Variants in ALS2CL observed in about 807,000 individuals in gnomAD.
ALS2CL encodes the protein ALS2 C-terminal like.
In ALS2CL, 112 loss-of-function variants were observed where a neutral mutation model predicts 127.9. That is an observed-to-expected ratio of 0.88 (90% CI 0.75 to 1.02). ALS2CL has a LOEUF of 1.02. ALS2CL is among the 50% of genes least tolerant of loss of function. The probability of loss-of-function intolerance (pLI) is 0.00; values close to 1 mark genes in which losing one functional copy is unlikely to be tolerated. For synonymous variants in ALS2CL, 519 were observed against 527.6 expected, an observed-to-expected ratio of 0.98 and a Z score of 0.22; for missense variants, 1,174 against 1,236.7, an observed-to-expected ratio of 0.95 and a Z score of 0.76.
Position 46,681,691 on chromosome 3 carries a change from G to A in ALS2CL, c.1176-93C>T. ...CACCCAGGAGTATCCCTGCCCCCAA[G>A]GAGCCTTCCAGACAACAGGGAGACT... On this transcript the variant is annotated intron_variant, in intron 11 of 25. Coordinates refer to ENST00000318962, the MANE Select transcript of ALS2CL (RefSeq NM_147129.5). The surrounding 1 kb of genome is among the most constrained non-coding windows in gnomAD (Gnocchi z 4.9). 7.6e-7 allele frequency: 1 copy of A among 1,309,866 alleles called. No individual in the cohort carries two copies. The highest frequency in any genetic ancestry group is 1.3e-5 in the South Asian group (1 of 78,782). 81.1% of individuals were successfully genotyped at this position (1,309,866 alleles called of 1,614,324 possible). A position where few individuals can be genotyped will look rare whatever the true frequency, so the allele number is the denominator to read the frequency against.
chr3:46,691,740 T>TA (rs796730687), intron 1 of ALS2CL, among the ~76,000 whole-genome samples: 1 of 150,948 alleles, frequency 6.6e-6, no homozygotes. Flanking sequence ...TTTTTTTTTT[T>TA]AGAGATGGGA....
chr3:46,678,380 TGA>T lies in ALS2CL; in HGVS notation c.1634_1635del (p.Val545AspfsTer90). 1 of 1,611,940 alleles carries T rather than the reference TGA, an allele frequency of 6.2e-7. No homozygotes were observed. The highest frequency in any genetic ancestry group is 8.5e-7 in the Non-Finnish European group (1 of 1,178,710). ...RDLTLMGKGK[V>X]TFPNGFTLEG... is the part of the protein sequence containing the mutation. ...TCCAGGGTGAAGCCATTGGGGAAGGTGACCTTGCCCTGGGAGCCAGGAGAAGG... is the reference window on the plus strand; with the variant it reads ...TCCAGGGTGAAGCCATTGGGGAAGGTCCTTGCCCTGGGAGCCAGGAGAAGG... On this transcript the variant is annotated frameshift_variant, in exon 16 of 26. Coordinates refer to ENST00000318962, the MANE Select transcript of ALS2CL (RefSeq NM_147129.5). LOFTEE classifies it high-confidence loss of function.
In ALS2CL at chr3:46,674,735, G is replaced by A; in HGVS notation, c.2260C>T (p.Leu754Phe). ...GGCAGCACCAATCCATGCACCTGGA[G>A]GTCCCTGATGGGGAGACCGGAACAG... The part of the protein sequence containing the change: ...EEDEDTETRD[L>F]QVHGLVLPLM... The change falls in exon 21 of 26, where the codon CTC becomes TTC. Residue 754 changes from leucine (L) to phenylalanine (F), a missense_variant. By Grantham distance (22) the Leu-to-Phe change is conservative. Transcript: ENST00000318962. 6.2e-7 allele frequency: 1 copy of A among 1,608,996 alleles called. No homozygotes were observed. Among genetic ancestry groups the A allele is most frequent in the Non-Finnish European group, 8.5e-7 (1 of 1,177,644 alleles).
chr3:46,679,349 G>C, intron 14 of ALS2CL, 62 bp from the exon 15 acceptor site: 2 of 1,408,378 alleles, frequency 1.4e-6, no homozygotes, highest in Non-Finnish European at 2.0e-6. Flanking sequence ...GGAAACTCAG[G>C]GTGGAGAGAG....
chr3:46,671,244 G>A (rs149595583), intron 25 of ALS2CL, among the ~76,000 whole-genome samples, 180 bp from the exon 26 acceptor site: 1 of 152,312 alleles, frequency 6.6e-6, no homozygotes, highest in African/African-American at 2.4e-5. Context: ...CACTGTGCTT[G>A]GGAATGCAGC....
rs1698917682 is a variant in ALS2CL, at chr3:46,677,133, A to T, written c.1758-111T>A. ...GGGGGTATGAGCCTGGCCCAGGATC[A>T]AGCCCCAAGAAGGGTGGATGGATTG... On this transcript the variant is annotated intron_variant, in intron 16 of 25. Transcript: ENST00000318962. 4 of 1,481,348 alleles carry T rather than the reference A, an allele frequency of 2.7e-6. No individual in the cohort carries two copies. The East Asian group carries it at 9.2e-5, about 34-fold the overall frequency. 91.8% of individuals were successfully genotyped at this position (1,481,348 alleles called of 1,614,324 possible).
chr3:46,683,785 G>T lies in ALS2CL; in HGVS notation c.909C>A (p.Gly303=). The change falls in exon 9 of 26, where the codon GGC becomes GGA. Residue 303 remains glycine, a synonymous_variant. Coordinates refer to ENST00000318962, the MANE Select transcript of ALS2CL (RefSeq NM_147129.5). ...TTCACAGCTCACCCACACTCACCTGGCCCTGGGAGTCCTTGGCACAAAAGG... is the reference window on the plus strand; with the variant it reads ...TTCACAGCTCACCCACACTCACCTGTCCCTGGGAGTCCTTGGCACAAAAGG... The part of the protein sequence containing the change: ...EFSFCAKDSQ[G]QAVWQWKVTW... The T allele has an allele frequency of 1.9e-6, 3 of 1,614,062 alleles. No individual in the cohort carries two copies. Among genetic ancestry groups the T allele is most frequent in the South Asian group, 1.1e-5 (1 of 91,068 alleles).
rs903642555 is a variant in ALS2CL at position 46,673,349 on chromosome 3, G to C, written c.2462C>G (p.Thr821Arg). Residue 821 changes from threonine (T) to arginine (R), a missense_variant, in exon 22 of 26, where the codon ACG (threonine) becomes AGG (arginine). Thr to Arg is a moderately conservative substitution (Grantham distance 71, BLOSUM62 -1). Transcript: ENST00000318962. ...HLWPLKDLTL[T>R]SNQRYSLVRD... The stretch of plus-strand genomic sequence containing the variant: ...TGGCCTCCCTCTCACCTGATTGCTC[G>C]TCAGCGTGAGGTCCTTGAGGGGCCA... 1.3e-6 allele frequency: 2 copies of C among 1,565,440 alleles called. No homozygotes were observed. Among genetic ancestry groups the C allele is most frequent in the Non-Finnish European group, 1.7e-6 (2 of 1,154,766 alleles).
Position 46,676,836 on chromosome 3 carries a change from C to G in ALS2CL, c.1931+13G>C. ...CCACCCTAACCTGTGCATGCTCACACAGCCGGCCTCACCTCTCGCAGGACA... is the reference window on the plus strand; with the variant it reads ...CCACCCTAACCTGTGCATGCTCACAGAGCCGGCCTCACCTCTCGCAGGACA... On this transcript the variant is annotated intron_variant, in intron 17 of 25. Coordinates refer to ENST00000318962, the MANE Select transcript of ALS2CL (RefSeq NM_147129.5). 3 of 1,608,214 alleles carry G rather than the reference C, an allele frequency of 1.9e-6. No individual in the cohort carries two copies. The highest frequency in any genetic ancestry group is 2.5e-6 in the Non-Finnish European group (3 of 1,176,528).
rs552701655 is a variant in ALS2CL, at chr3:46,677,473, A to G, written c.1758-451T>C. ...CTGCGCATGTCTAATGGAGCCCTGC[A>G]CTCCAGTGTCATGCTCGTAGGCTAC... On this transcript the variant is annotated intron_variant, in intron 16 of 25. Transcript: ENST00000318962. The G allele has an allele frequency of 1.7e-3, 1,514 of 865,806 alleles. 4 individuals are homozygous for G. Among genetic ancestry groups the G allele is most frequent in the Middle Eastern group, 3.5e-3 (6 of 1,734 alleles). 53.6% of individuals were successfully genotyped at this position (865,806 alleles called of 1,614,324 possible).
At chr3:46,690,006 G>T (rs2106750581) in intron 1 of ALS2CL, among the ~76,000 whole-genome samples, 1 of 152,294 alleles carries the variant, frequency 6.6e-6, no homozygotes, top group Middle Eastern at 3.4e-3. Context: ...CCTCCTGCTA[G>T]AGCCACGAAT....
At chr3:46,687,560 C>T in intron 4 of ALS2CL, 59 bp downstream of exon 4, 2 of 1,589,634 alleles carry the variant, frequency 1.3e-6, no homozygotes, top group Non-Finnish European at 1.7e-6. Context: ...TTCCCCGACC[C>T]CACCCTCACT....
chr3:46,682,120 C>T (rs752806576), intron 10 of ALS2CL, 26 bp from the exon 11 acceptor site: 4 of 1,612,578 alleles, frequency 2.5e-6, no homozygotes, highest in Non-Finnish European at 3.4e-6. Flanking sequence ...GGTTCACGAG[C>T]CTCAGGCCTA....
In ALS2CL at chr3:46,682,082, T is replaced by C. The variant is rs1699398280; in HGVS notation, c.1122A>G (p.Lys374=). 2 of 1,613,998 alleles carry C rather than the reference T, an allele frequency of 1.2e-6. No homozygotes were observed. Among genetic ancestry groups the C allele is most frequent in the Non-Finnish European group, 1.7e-6 (2 of 1,179,976 alleles). Residue 374 remains lysine, a synonymous_variant, in exon 11 of 26, where the codon AAA becomes AAG. Transcript: ENST00000318962. ...RGRPHGKGTL[K]WPDGRNHVGN... ...CCACGTGATTCCGCCCATCCGGCCA[T>C]TTCAGGGTTCCCCTGGAACACAGTG... is the stretch of plus-strand genomic sequence containing the variant.
In ALS2CL at chr3:46,670,330, C is replaced by A. The variant is rs1339199668; in HGVS notation, c.*654G>T. On this transcript the variant is annotated 3_prime_UTR_variant, in exon 26 of 26. Coordinates refer to ENST00000318962, the MANE Select transcript of ALS2CL (RefSeq NM_147129.5). This position sits in a 1 kb window ranked among gnomAD's most constrained non-coding sequence, Gnocchi z 5.5. ...TCAGGGCCCAGGCAGATGTCATGTG[C>A]CCCTGTTGTCCCCACGCAGGCCCAC... 1 of 152,606 alleles carries A rather than the reference C, an allele frequency of 6.6e-6. No individual in the cohort carries two copies. Among genetic ancestry groups the A allele is most frequent in the Admixed American group, 6.5e-5 (1 of 15,356 alleles). The allele number at this position is 152,606 out of a possible 1,614,324, so 9.5% of individuals were successfully genotyped here. A position where few individuals can be genotyped will look rare whatever the true frequency, so the allele number is the denominator to read the frequency against.
rs1285725533 is a variant in ALS2CL, at chr3:46,686,010, C to T, written c.666+298G>A. ...GGACTCTCCTCCCTGCAGGGGCAGT[C>T]CATGCCATGGTGGGCAGTGACGCAA... On this transcript the variant is annotated intron_variant, in intron 6 of 25. Coordinates refer to ENST00000318962, the MANE Select transcript of ALS2CL (RefSeq NM_147129.5). This position sits in a 1 kb window ranked among gnomAD's most constrained non-coding sequence, Gnocchi z 4.3. Among the ~76,000 whole-genome samples the T allele has an allele frequency of 1.3e-5, 2 of 152,202 alleles. No homozygotes were observed. Among genetic ancestry groups the T allele is most frequent in the African/African-American group, 4.8e-5 (2 of 41,442 alleles).
At position 46,672,128 on chromosome 3, in the gene ALS2CL, G is replaced by A; in HGVS notation, c.2534+12C>T. On this transcript the variant is annotated intron_variant, in intron 23 of 25. Transcript: ENST00000318962. The stretch of plus-strand genomic sequence containing the variant: ...GCCTCCGGACCCCCAACCCACTACG[G>A]CTCACACTCACATGATCTTCTGCAG... 1.2e-6 allele frequency: 2 copies of A among 1,614,150 alleles called. No individual in the cohort carries two copies. The highest frequency in any genetic ancestry group is 1.7e-6 in the Non-Finnish European group (2 of 1,180,034).
chr3:46,685,580 GC>G lies in ALS2CL; in HGVS notation c.730del (p.Ala244HisfsTer28), dbSNP rs1437486212. ...QDSQDVPVTV[A>X]PLRAERVLLF... is the part of the protein sequence containing the mutation. ...CAGCACACGCTCAGCCCGCAACGGT[GC>G]GACCGTCACGGGTACGTCCTGGCTG... is the stretch of plus-strand genomic sequence containing the variant. On this transcript the variant is annotated frameshift_variant, in exon 7 of 26. Transcript: ENST00000318962. LOFTEE classifies it high-confidence loss of function. 1.9e-6 allele frequency: 3 copies of G among 1,613,950 alleles called. No homozygotes were observed. In the Admixed American group the frequency reaches 5.0e-5, roughly 27 times the overall value.
chr3:46,673,234 C>CCCCCGACA, intron 22 of ALS2CL, 105 bp downstream of exon 22: 1 of 1,066,302 alleles, frequency 9.4e-7, no homozygotes, highest in Non-Finnish European at 1.3e-6. Context: ...CTGCCCCTCC[C>CCCCCGACA]CAGCTCCTCT....
Sources: allele counts gnomAD v4.1 joint callset (sites outside exome capture counted in the v4.1 genomes callset), GRCh38; gene constraint gnomAD v4.1.1; non-coding constraint Gnocchi (gnomAD v3.1); transcripts MANE v1.5; gene names NCBI Gene and HGNC (gene_info 2026-07-23, HGNC 2026-07-21).